Variants in MECOM observed in about 807,000 individuals in gnomAD.
The protein encoded by MECOM is MDS1 and EVI1 complex locus.
Under a neutral mutation model 116.3 loss-of-function variants are expected in MECOM, and 13 were observed. That is an observed-to-expected ratio of 0.11 (90% confidence interval 0.07 to 0.18). The LOEUF is 0.18. Ranked by LOEUF, MECOM falls within the 10% of genes least tolerant of loss-of-function variation. The probability of loss-of-function intolerance (pLI) is 1.00; values close to 1 mark genes in which losing one functional copy is unlikely to be tolerated. For synonymous variants in MECOM, 528 were observed against 535.2 expected (o/e 0.99, Z 0.19); for missense variants, 1,299 against 1,509.0 (o/e 0.86, Z 2.31).
chr3:169,381,363 G>T lies in MECOM; in HGVS notation c.199C>A (p.Pro67Thr). 1 of 1,613,852 alleles carries T rather than the reference G, an allele frequency of 6.2e-7. No individual in the cohort carries two copies. The highest frequency in any genetic ancestry group is 8.5e-7 in the Non-Finnish European group (1 of 1,179,820). The change falls in exon 2 of 17, where the codon CCC (proline) becomes ACC (threonine). Residue 67 changes from proline to threonine, a missense_variant. Pro to Thr is a conservative substitution (Grantham distance 38). Transcript: ENST00000651503. The stretch of plus-strand genomic sequence containing the variant: ...GGGATATCATCAGGGATGTAGATGG[G>T]GGCTTTGTAAGGAGAACCCTCCTTT... ...TPKEGSPYKA[P>T]IYIPDDIPIP...
chr3:169,151,578 G>C (rs1328606081), intron 2 of MECOM, among the ~76,000 whole-genome samples: 2 of 152,102 alleles, frequency 1.3e-5, no homozygotes, highest in Non-Finnish European at 1.5e-5. Context: ...TGGAGATTCT[G>C]TTAAATCCTG....
intron 2 of MECOM, among the ~76,000 whole-genome samples, chr3:169,378,253 A>T (rs1419149022): frequency 6.6e-6 from 1 of 150,804 alleles, no homozygotes; most frequent in Non-Finnish European, 1.5e-5. Context: ...GCAAACCACC[A>T]TGGCACGTGT....
rs147788700 is a variant in MECOM at position 169,122,635 on chromosome 3, C to T, written c.923G>A (p.Arg308His). Residue 308 changes from arginine (R) to histidine (H), a missense_variant, in exon 6 of 17, where the codon CGC becomes CAC. Physicochemically the swap from Arg to His is conservative, Grantham distance 29. Coordinates refer to ENST00000651503, the MANE Select transcript of MECOM (RefSeq NM_004991.4). ...TCCACTGTCATGTGACATCTGGTGG[C>T]GAATTAAATTGGACTTCCAGTTAAA... Reference protein sequence around the residue: ...KAFNWKSNLIRHQMSHDSGKH... With the variant: ...KAFNWKSNLIHHQMSHDSGKH... The T allele has an allele frequency of 2.2e-5, 36 of 1,613,830 alleles. No individual in the cohort carries two copies. Among genetic ancestry groups the T allele is most frequent in the South Asian group, 1.8e-4 (16 of 91,076 alleles).
intron 1 of MECOM, among the ~76,000 whole-genome samples, chr3:169,649,144 C>T (rs536621393): frequency 6.6e-6 from 1 of 152,250 alleles, no homozygotes; most frequent in South Asian, 2.1e-4. Context: ...TAACAACAGA[C>T]AAATGTGATA....
intron 2 of MECOM, among the ~76,000 whole-genome samples, chr3:169,215,554 G>A (rs1751317494): frequency 6.6e-6 from 1 of 152,064 alleles, no homozygotes; most frequent in South Asian, 2.1e-4. Flanking sequence ...TTTAAGAGTT[G>A]TTTAGTGAAG....
chr3:169,411,920 G>A (rs2108455553), intron 1 of MECOM, among the ~76,000 whole-genome samples: 1 of 152,234 alleles, frequency 6.6e-6, no homozygotes, highest in East Asian at 1.9e-4. Flanking sequence ...GAACCCGGGA[G>A]GCAGAAGTTG....
chr3:169,188,003 C>T (rs1040150864), intron 2 of MECOM, among the ~76,000 whole-genome samples: 1 of 151,958 alleles, frequency 6.6e-6, no homozygotes, highest in South Asian at 2.1e-4. Flanking sequence ...AAGCTTTGCA[C>T]AAATACCATT....
Position 169,441,751 on chromosome 3 carries a change from G to T in MECOM, c.38-60227C>A, listed in dbSNP as rs565196413. Among the ~76,000 whole-genome samples, 41 of 104,356 alleles carry T rather than the reference G, an allele frequency of 3.9e-4. 4 individuals carry two copies. The South Asian group carries it at 4.0e-3, about 10-fold the overall frequency. 68.5% of individuals were successfully genotyped at this position (104,356 alleles called of 152,430 possible). ...TTCTTTTTTTTTTTTTTTTAAAAAA[G>T]GGGGGGTCTTGCTCTGTCACCCAGG... On this transcript the variant is annotated intron_variant, in intron 1 of 16. Coordinates refer to ENST00000651503, the MANE Select transcript of MECOM (RefSeq NM_004991.4).
intron 1 of MECOM, among the ~76,000 whole-genome samples, chr3:169,662,228 G>T (rs761762890): frequency 6.6e-6 from 1 of 152,214 alleles, no homozygotes; most frequent in African/African-American, 2.4e-5. Flanking sequence ...AGGCCGCTCC[G>T]CGCCGGGCAG....
At chr3:169,551,974 T>C (rs534255295) in intron 1 of MECOM, among the ~76,000 whole-genome samples, 83 of 152,196 alleles carry the variant, frequency 5.5e-4, no homozygotes, top group African/African-American at 1.9e-3. Context: ...TACTGTGTGA[T>C]TGCATTTATC....
intron 2 of MECOM, among the ~76,000 whole-genome samples, chr3:169,238,401 G>A (rs367774696): frequency 3.3e-5 from 5 of 152,138 alleles, no homozygotes; most frequent in African/African-American, 7.2e-5. Flanking sequence ...AGGAACATGC[G>A]AAGAGTTACT....
rs1027541996 is a variant in MECOM, at chr3:169,208,345, G to T, written c.376-64513C>A. 7.4e-5 allele frequency among the ~76,000 whole-genome samples: 11 copies of T among 148,818 alleles called. No homozygotes were observed. The East Asian group carries it at 2.1e-3, about 29-fold the overall frequency. On this transcript the variant is annotated intron_variant, in intron 2 of 16. Transcript: ENST00000651503. ...ATTATATATATAATGTATAGCAAAA[G>T]ATTTGGGTACATTTATTAAAATTTG...
chr3:169,222,731 C>T (rs544328355), intron 2 of MECOM, among the ~76,000 whole-genome samples: 55 of 152,332 alleles, frequency 3.6e-4, no homozygotes, highest in Non-Finnish European at 1.5e-5. Flanking sequence ...CAAATTATAG[C>T]TCATTGCCAG....
At chr3:169,127,762 C>T (rs1418621186) in intron 5 of MECOM, 82 bp downstream of exon 5, 1 of 1,234,606 alleles carries the variant, frequency 8.1e-7, no homozygotes. Context: ...TCCAAATTTT[C>T]CATCTGCACA....
At chr3:169,263,484 G>T (rs1220409663) in intron 2 of MECOM, among the ~76,000 whole-genome samples, 3 of 151,224 alleles carry the variant, frequency 2.0e-5, no homozygotes, top group Non-Finnish European at 4.4e-5. Context: ...GAACTCCTAG[G>T]TGTGACTCTC....
chr3:169,220,257 G>A (rs1335487252), intron 2 of MECOM, among the ~76,000 whole-genome samples: 1 of 152,112 alleles, frequency 6.6e-6, no homozygotes, highest in Non-Finnish European at 1.5e-5. Flanking sequence ...CTGGGAGGCA[G>A]AGGCTGCCTG....
chr3:169,479,588 A>C (rs1289962833), intron 1 of MECOM, among the ~76,000 whole-genome samples: 1 of 150,382 alleles, frequency 6.6e-6, no homozygotes, highest in African/African-American at 2.4e-5. Flanking sequence ...ATATCAGCCA[A>C]TGTGTCTGAG....
intron 2 of MECOM, among the ~76,000 whole-genome samples, chr3:169,210,640 T>C (rs962475424): frequency 6.6e-6 from 1 of 152,184 alleles, no homozygotes; most frequent in Non-Finnish European, 1.5e-5. Context: ...TTTATTGAGA[T>C]ACAATTCATT....
chr3:169,217,096 C>T (rs568281770), intron 2 of MECOM, among the ~76,000 whole-genome samples: 2 of 152,168 alleles, frequency 1.3e-5, no homozygotes, highest in East Asian at 1.9e-4. Context: ...GTGGATGATC[C>T]GCAGATAGCC....
Sources: gnomAD v4.1 joint callset for allele counts (sites outside exome capture counted in the v4.1 genomes callset) on GRCh38, gnomAD v4.1.1 for gene constraint, MANE v1.5 for transcripts, NCBI Gene and HGNC (gene_info 2026-07-23, HGNC 2026-07-21) for gene names.